ADGRF4: variants seen among roughly 807,000 people sequenced by gnomAD.
The protein encoded by ADGRF4 is G-protein coupled receptor PGR18.
Under a neutral mutation model 58.5 loss-of-function variants are expected in ADGRF4, and 63 were observed. The observed-to-expected ratio is 1.08, with a 90% CI of 0.88 to 1.33. ADGRF4 has a LOEUF of 1.33. Among genes scored for constraint, ADGRF4 ranks in the 40% most tolerant of loss-of-function variants. The pLI is 0.00. For synonymous variants in ADGRF4, 313 were observed against 295.4 expected (o/e 1.06, Z -0.61); for missense variants, 931 against 843.9 (o/e 1.10, Z -1.28).
At chr6:47,709,719 A>G (rs1771812866) in intron 3 of ADGRF4, among the ~76,000 whole-genome samples, 2 of 152,226 alleles carry the variant, frequency 1.3e-5, no homozygotes, top group African/African-American at 4.8e-5. Flanking sequence ...AGACATGCAG[A>G]GAGCAGCAAA....
In ADGRF4 at chr6:47,714,385, C is replaced by T; in HGVS notation, c.1140C>T (p.Tyr380=). The T allele has an allele frequency of 1.2e-6, 2 of 1,614,152 alleles. No homozygotes were observed. The highest frequency in any genetic ancestry group is 1.7e-6 in the Non-Finnish European group (2 of 1,180,012). ...ACGAAGTGAAATGCCGCTGTAACTA[C>T]ACCAGTGTGGTGATGTCTTTTTCCA... ...IRNEVKCRCN[Y]TSVVMSFSIL... is the part of the protein sequence containing the mutation. The change falls in exon 6 of 10, where the codon TAC becomes TAT. Residue 380 remains tyrosine (Y), a synonymous_variant. Coordinates refer to ENST00000283303, the MANE Select transcript of ADGRF4 (RefSeq NM_153838.5).
intron 1 of ADGRF4, among the ~76,000 whole-genome samples, chr6:47,702,084 C>A (rs1771602944): frequency 1.3e-5 from 2 of 152,198 alleles, no homozygotes; most frequent in South Asian, 2.1e-4. Flanking sequence ...GGTGGTCCAC[C>A]CGCCTTGGCC....
chr6:47,715,251 T>C (rs1021413247), intron 6 of ADGRF4, 74 bp downstream of exon 6: 2 of 1,086,922 alleles, frequency 1.8e-6, no homozygotes, highest in Non-Finnish European at 2.7e-6. Flanking sequence ...TTTGAAATTA[T>C]ATAACACAAA....
At chr6:47,707,165 A>C in intron 1 of ADGRF4, 65 bp from the exon 2 acceptor site, 2 of 894,190 alleles carry the variant, frequency 2.2e-6, no homozygotes, top group South Asian at 2.6e-5. Context: ...GGTTAGCCGG[A>C]TAAGTATTGT....
At chr6:47,716,716 T>TA in intron 6 of ADGRF4, 90 bp from the exon 7 acceptor site, 1 of 950,482 alleles carries the variant, frequency 1.1e-6, no homozygotes, top group Non-Finnish European at 1.7e-6. Context: ...ATAACTGCCC[T>TA]AGGAGGTATC....
At chr6:47,709,732 A>C (rs1422102455) in intron 3 of ADGRF4, among the ~76,000 whole-genome samples, 1 of 152,240 alleles carries the variant, frequency 6.6e-6, no homozygotes, top group Non-Finnish European at 1.5e-5. Context: ...GCAGCAAAAA[A>C]TTGAGTTGCC....
chr6:47,704,796 C>T (rs189013482), intron 1 of ADGRF4, among the ~76,000 whole-genome samples: 270 of 152,120 alleles, frequency 1.8e-3, no homozygotes, highest in African/African-American at 6.2e-3. Flanking sequence ...ACATAAAAAT[C>T]GTAAAGATAA....
At chr6:47,702,628 T>A (rs1313555870) in intron 1 of ADGRF4, among the ~76,000 whole-genome samples, 1 of 152,206 alleles carries the variant, frequency 6.6e-6, no homozygotes, top group East Asian at 1.9e-4. Context: ...AATTACTGCT[T>A]GCTGTTTTTG....
At chr6:47,702,517 TA>T (rs1176943129) in intron 1 of ADGRF4, among the ~76,000 whole-genome samples, 1 of 152,262 alleles carries the variant, frequency 6.6e-6, no homozygotes, top group African/African-American at 2.4e-5. Context: ...CCATTTTCTT[TA>T]ACCTTTTTGT....
rs386352312 is a variant in ADGRF4, at chr6:47,714,668, G to T, written c.1423G>T (p.Ala475Ser). The T allele has an allele frequency of 1.2e-6, 2 of 1,614,172 alleles. No individual in the cohort carries two copies. Among genetic ancestry groups the T allele is most frequent in the South Asian group, 2.2e-5 (2 of 91,072 alleles). Reference protein sequence around the residue: ...IKAQDYNMCVAVTFFSHFFYL... With the variant: ...IKAQDYNMCVSVTFFSHFFYL... ...GGCCCAGGACTACAACATGTGTGTT[G>T]CAGTGACATTTTTCAGCCACTTTTT... is the stretch of plus-strand genomic sequence containing the variant. The change falls in exon 6 of 10, where the codon GCA becomes TCA. Residue 475 changes from alanine to serine, a missense_variant. Transcript: ENST00000283303.
rs2039137 is a variant in ADGRF4 at position 47,711,621 on chromosome 6, A to C, written c.300+735A>C. Among the ~76,000 whole-genome samples the C allele has an allele frequency of 5.9e-5, 9 of 152,352 alleles. No homozygotes were observed. In the East Asian group the frequency reaches 1.7e-3, roughly 29 times the overall value. On this transcript the variant is annotated intron_variant, in intron 4 of 9. Transcript: ENST00000283303. ...CAAAAGAAAGGAGAGATGTGTGCTC[A>C]ATCTAGAGGAACAGAATTGAATGCA...
chr6:47,714,395 G>T lies in ADGRF4; in HGVS notation c.1150G>T (p.Val384Leu), dbSNP rs138254510. ...VKCRCNYTSVVMSFSILMSSK... is the reference protein window; with the variant it reads ...VKCRCNYTSVLMSFSILMSSK... ...ATGCCGCTGTAACTACACCAGTGTGGTGATGTCTTTTTCCATTCTCATGTC... is the reference window on the plus strand; with the variant it reads ...ATGCCGCTGTAACTACACCAGTGTGTTGATGTCTTTTTCCATTCTCATGTC... The change falls in exon 6 of 10, where the codon GTG (valine) becomes TTG (leucine). Residue 384 changes from valine to leucine, a missense_variant. Coordinates refer to ENST00000283303, the MANE Select transcript of ADGRF4 (RefSeq NM_153838.5). 7.0e-5 allele frequency: 113 copies of T among 1,614,134 alleles called. No individual in the cohort carries two copies. The African/African-American group carries it at 1.2e-3, about 17-fold the overall frequency.
At chr6:47,703,009 C>T (rs752608188) in intron 1 of ADGRF4, among the ~76,000 whole-genome samples, 1 of 152,206 alleles carries the variant, frequency 6.6e-6, no homozygotes, top group South Asian at 2.1e-4. Flanking sequence ...ACAATTCTCA[C>T]TCTTCTTGTT....
rs1291101740 is a variant in ADGRF4, at chr6:47,714,013, C to T, written c.768C>T (p.Leu256=). The change falls in exon 6 of 10, where the codon CTC becomes CTT. Residue 256 remains leucine, a synonymous_variant. Coordinates refer to ENST00000283303, the MANE Select transcript of ADGRF4 (RefSeq NM_153838.5). ...HINHNTSEKS[L]NFSMSMNNTT... ...ACCATAATACCTCAGAGAAAAGCCT[C>T]AATTTCTCCATGAGCATGAACAATA... 4 of 1,605,794 alleles carry T rather than the reference C, an allele frequency of 2.5e-6. No individual in the cohort carries two copies. The highest frequency in any genetic ancestry group is 3.4e-6 in the Non-Finnish European group (4 of 1,175,900).
At chr6:47,713,257 A>G (rs1042001889) in intron 5 of ADGRF4, among the ~76,000 whole-genome samples, 11 of 113,052 alleles carry the variant, frequency 9.7e-5, no homozygotes, top group Non-Finnish European at 3.7e-5. Flanking sequence ...CTGCTGTAGA[A>G]CATAACCATT....
At chr6:47,699,946 A>C (rs889591196) in intron 1 of ADGRF4, among the ~76,000 whole-genome samples, 3 of 147,728 alleles carry the variant, frequency 2.0e-5, no homozygotes, top group African/African-American at 5.0e-5. Context: ...CCCCCCCCCA[A>C]AATGTGGGTC....
intron 6 of ADGRF4, 116 bp downstream of exon 6, chr6:47,715,293 G>A (rs1771989083): frequency 1.0e-5 from 8 of 797,292 alleles, no homozygotes; most frequent in Non-Finnish European, 1.4e-5. Context: ...ACATCTTAGG[G>A]TTATTTGGCT....
chr6:47,707,533 A>T (rs1057082801), intron 2 of ADGRF4, among the ~76,000 whole-genome samples, 195 bp downstream of exon 2: 3 of 152,254 alleles, frequency 2.0e-5, no homozygotes, highest in African/African-American at 7.2e-5. Context: ...GGAGAGCTAC[A>T]GTACAGTAGA....
At position 47,715,459 on chromosome 6, in the gene ADGRF4, T is replaced by C. The variant is rs1771992498; in HGVS notation, c.1932+282T>C. 4 of 297,520 alleles carry C rather than the reference T, an allele frequency of 1.3e-5. No homozygotes were observed. The South Asian group carries it at 2.4e-4, about 18-fold the overall frequency. 18.4% of individuals were successfully genotyped at this position (297,520 alleles called of 1,614,324 possible). A position where few individuals can be genotyped will look rare whatever the true frequency, so the allele number is the denominator to read the frequency against. On this transcript the variant is annotated intron_variant, in intron 6 of 9. Transcript: ENST00000283303. ...AACCTTCACTTATAGAGGACTATTC[T>C]TTGGTCAGGGATATGTGAGGCTACA... is the stretch of plus-strand genomic sequence containing the variant.
Sources: allele counts gnomAD v4.1 joint callset (sites outside exome capture counted in the v4.1 genomes callset), GRCh38; gene constraint gnomAD v4.1.1; transcripts MANE v1.5; gene names NCBI Gene and HGNC (gene_info 2026-07-23, HGNC 2026-07-21).